DCHS2: variants seen among roughly 807,000 people sequenced by gnomAD.
DCHS2 encodes protocadherin-23.
Under a neutral mutation model 182.4 loss-of-function variants are expected in DCHS2, and 142 were observed. The observed-to-expected ratio is 0.78, with a 90% CI of 0.68 to 0.89. DCHS2 has a LOEUF of 0.89. DCHS2 is among the 40% of genes least tolerant of loss of function. The probability of loss-of-function intolerance (pLI) is 0.00; values close to 1 mark genes in which losing one functional copy is unlikely to be tolerated. For missense variants in DCHS2, 4,319 were observed against 4,198.6 expected, an observed-to-expected ratio of 1.03 and a Z score of -0.79; for synonymous variants, 1,740 against 1,663.3, an observed-to-expected ratio of 1.05 and a Z score of -1.12.
At chr4:154,408,148 T>C (rs1461855627) in intron 1 of DCHS2, among the ~76,000 whole-genome samples, 4 of 152,198 alleles carry the variant, frequency 2.6e-5, no homozygotes, top group African/African-American at 9.6e-5. Context: ...AAAATTAACT[T>C]CTCAATACCT....
chr4:154,329,795 T>C (rs1736448456), intron 5 of DCHS2, 85 bp from the exon 6 acceptor site: 1 of 1,279,334 alleles, frequency 7.8e-7, no homozygotes. Context: ...GAAAACCAAG[T>C]ACAAAGCTTT....
chr4:154,305,294 C>T (rs1735398756), intron 10 of DCHS2, 63 bp from the exon 11 acceptor site: 6 of 1,536,224 alleles, frequency 3.9e-6, no homozygotes, highest in Non-Finnish European at 5.2e-6. Context: ...ATCCACTTTC[C>T]TATTTCTTTT....
intron 1 of DCHS2, among the ~76,000 whole-genome samples, chr4:154,419,599 G>A (rs1310702545): frequency 2.4e-5 from 3 of 122,904 alleles, no homozygotes; most frequent in East Asian, 2.7e-4. Flanking sequence ...GCAGTGAGCC[G>A]AGATCACACC....
chr4:154,447,326 G>A (rs529654106), intron 1 of DCHS2, among the ~76,000 whole-genome samples: 16 of 151,934 alleles, frequency 1.1e-4, no homozygotes, highest in Admixed American at 7.2e-4. Context: ...AAAAACTAGG[G>A]AAATCTAAAT....
chr4:154,323,860 A>C (rs986561745), intron 7 of DCHS2, among the ~76,000 whole-genome samples: 8 of 144,226 alleles, frequency 5.5e-5, no homozygotes, highest in Admixed American at 2.1e-4. Flanking sequence ...CCCTCCCCCC[A>C]AAAAAAACCC....
At chr4:154,401,372 G>C (rs1047890639) in intron 1 of DCHS2, among the ~76,000 whole-genome samples, 2 of 151,942 alleles carry the variant, frequency 1.3e-5, no homozygotes, top group South Asian at 4.1e-4. Flanking sequence ...TTTCATTTTG[G>C]GGGGGTAAAA....
chr4:154,472,886 G>A (rs572717617), intron 1 of DCHS2, among the ~76,000 whole-genome samples: 2 of 152,086 alleles, frequency 1.3e-5, no homozygotes, highest in East Asian at 1.9e-4. Flanking sequence ...TAACATTTCA[G>A]TTAGAAACCA....
At chr4:154,339,444 G>A (rs1049500533) in intron 3 of DCHS2, among the ~76,000 whole-genome samples, 4 of 151,046 alleles carry the variant, frequency 2.6e-5, no homozygotes, top group African/African-American at 7.3e-5. Context: ...ATAATCACAT[G>A]AACAAACTTT....
chr4:154,461,264 T>A (rs940386500), intron 1 of DCHS2, among the ~76,000 whole-genome samples: 1 of 152,212 alleles, frequency 6.6e-6, no homozygotes. Context: ...CTATGAAATA[T>A]CATTTCTGTT....
chr4:154,467,811 C>T (rs1735300062), intron 1 of DCHS2, among the ~76,000 whole-genome samples: 1 of 152,064 alleles, frequency 6.6e-6, no homozygotes, highest in Non-Finnish European at 1.5e-5. Flanking sequence ...TTGTTTAAAA[C>T]AAGGTATATC....
At chr4:154,411,762 T>C (rs1208851157) in intron 1 of DCHS2, among the ~76,000 whole-genome samples, 3 of 152,200 alleles carry the variant, frequency 2.0e-5, no homozygotes, top group African/African-American at 7.2e-5. Flanking sequence ...AGATGATGAA[T>C]GTTAATTTGT....
chr4:154,323,858 C>T (rs549180978), intron 7 of DCHS2, among the ~76,000 whole-genome samples: 2 of 144,998 alleles, frequency 1.4e-5, no homozygotes, highest in South Asian at 2.3e-4. Context: ...ATCCCTCCCC[C>T]CAAAAAAAAC....
intron 1 of DCHS2, among the ~76,000 whole-genome samples, chr4:154,420,651 A>G (rs1733073933): frequency 6.6e-6 from 1 of 152,124 alleles, no homozygotes; most frequent in Non-Finnish European, 1.5e-5. Context: ...TTTTTGCTCT[A>G]TCTGGGCCCT....
At position 154,333,222 on chromosome 4, in the gene DCHS2, T is replaced by C. The variant is rs201673186; in HGVS notation, c.2986A>G (p.Thr996Ala). 16 of 1,614,104 alleles carry C rather than the reference T, an allele frequency of 9.9e-6. No homozygotes were observed. The highest frequency in any genetic ancestry group is 3.3e-4 in the Middle Eastern group (2 of 6,084). Residue 996 changes from threonine (T) to alanine (A), a missense_variant, in exon 5 of 20, where the codon ACA (threonine) becomes GCA (alanine). Coordinates refer to ENST00000357232, the MANE Select transcript of DCHS2 (RefSeq NM_001358235.2). Reference protein sequence around the residue: ...IRISQTTPPGTALYLARAEDR... With the variant: ...IRISQTTPPGAALYLARAEDR... ...TCCGCACGTGCGAGGTACAAGGCTGTGCCAGGGGGCGTGGTCTGGGATATT... is the reference window on the plus strand; with the variant it reads ...TCCGCACGTGCGAGGTACAAGGCTGCGCCAGGGGGCGTGGTCTGGGATATT...
intron 13 of DCHS2, among the ~76,000 whole-genome samples, chr4:154,281,576 G>A (rs1734149531): frequency 6.6e-6 from 1 of 152,096 alleles, no homozygotes; most frequent in Non-Finnish European, 1.5e-5. Context: ...TGAAATGGAA[G>A]ACAATATTGT....
chr4:154,387,122 G>A (rs1325594509), intron 1 of DCHS2, among the ~76,000 whole-genome samples: 4 of 152,154 alleles, frequency 2.6e-5, no homozygotes, highest in Admixed American at 1.3e-4. Context: ...ATATCCTCAA[G>A]TTACAGCCTG....
intron 13 of DCHS2, among the ~76,000 whole-genome samples, chr4:154,289,640 A>G (rs1734560349): frequency 6.6e-6 from 1 of 152,074 alleles, no homozygotes; most frequent in Non-Finnish European, 1.5e-5. Flanking sequence ...TCAAAAAAAG[A>G]GAAAAGTAAA....
chr4:154,366,258 G>A lies in DCHS2; in HGVS notation c.2428C>T (p.Leu810Phe). ...AGGGACGACACGTTTCCTGGAATAAGCTCATAAGCCACTGTCCCATATATC... is the reference window on the plus strand; with the variant it reads ...AGGGACGACACGTTTCCTGGAATAAACTCATAAGCCACTGTCCCATATATC... ...SGIYGTVAYE[L>F]IPGNVSSLFT... Residue 810 changes from leucine to phenylalanine, a missense_variant, in exon 3 of 20, where the codon CTT becomes TTT. Transcript: ENST00000357232. 6.2e-7 allele frequency: 1 copy of A among 1,613,792 alleles called. No homozygotes were observed. Among genetic ancestry groups the A allele is most frequent in the Non-Finnish European group, 8.5e-7 (1 of 1,179,932 alleles).
At chr4:154,384,332 G>A in intron 1 of DCHS2, 1 of 1,599,508 alleles carries the variant, frequency 6.3e-7, no homozygotes, top group Non-Finnish European at 8.5e-7. Flanking sequence ...ACCATGTTAT[G>A]GCCCTCCTCC....
Sources: gnomAD v4.1 joint callset for allele counts (sites outside exome capture counted in the v4.1 genomes callset) on GRCh38, gnomAD v4.1.1 for gene constraint, MANE v1.5 for transcripts, NCBI Gene and HGNC (gene_info 2026-07-23, HGNC 2026-07-21) for gene names.